KCTD16: variants seen among roughly 807,000 people sequenced by gnomAD.
KCTD16 encodes the protein potassium channel tetramerization domain containing 16.
KCTD16 carries 13 observed loss-of-function variants against 33.2 expected under a neutral mutation model. The observed-to-expected ratio is 0.39, with a 90% CI of 0.25 to 0.62. The LOEUF is 0.62. Ranked by LOEUF, KCTD16 falls within the 20% of genes least tolerant of loss-of-function variation. KCTD16 has a pLI of 0.50. For missense variants in KCTD16, 441 were observed against 525.1 expected (o/e 0.84, Z 1.57); for synonymous variants, 197 against 195.3 (o/e 1.01, Z -0.07).
rs149083832 is a variant in KCTD16, at chr5:144,277,943, A to T, written c.832+70397A>T. Among the ~76,000 whole-genome samples, 28 of 152,266 alleles carry T rather than the reference A, an allele frequency of 1.8e-4. No individual in the cohort carries two copies. In the East Asian group the frequency reaches 4.4e-3, roughly 24 times the overall value. On this transcript the variant is annotated intron_variant, in intron 3 of 3. Coordinates refer to ENST00000512467, the MANE Select transcript of KCTD16 (RefSeq NM_020768.4). Reference sequence around the variant, plus strand: ...TCAGAATATAAATACTTTGTTGGGTATGTTATTTGTGGCTATTTTCTCCCA... The same window carrying T: ...TCAGAATATAAATACTTTGTTGGGTTTGTTATTTGTGGCTATTTTCTCCCA...
chr5:144,314,810 A>G (rs1211230827), intron 3 of KCTD16, among the ~76,000 whole-genome samples: 1 of 152,226 alleles, frequency 6.6e-6, no homozygotes, highest in African/African-American at 2.4e-5. Flanking sequence ...AAGACAGTAC[A>G]TTTAAACCTT....
chr5:144,184,657 A>G (rs937348368), intron 2 of KCTD16, among the ~76,000 whole-genome samples: 11 of 152,182 alleles, frequency 7.2e-5, no homozygotes, highest in African/African-American at 2.7e-4. Flanking sequence ...ATTGCTCCAT[A>G]CGATAGCCAA....
intron 2 of KCTD16, among the ~76,000 whole-genome samples, chr5:144,203,349 C>A (rs1487721918): frequency 6.6e-6 from 1 of 151,802 alleles, no homozygotes; most frequent in African/African-American, 2.4e-5. Context: ...AAATGTCTTG[C>A]AATTTGTTGT....
At chr5:144,327,241 A>C (rs1314045880) in intron 3 of KCTD16, among the ~76,000 whole-genome samples, 1 of 152,108 alleles carries the variant, frequency 6.6e-6, no homozygotes, top group Non-Finnish European at 1.5e-5. Flanking sequence ...TGGAATTTGG[A>C]TATTATTTCT....
intron 3 of KCTD16, among the ~76,000 whole-genome samples, chr5:144,330,255 A>G (rs1402588978): frequency 1.3e-5 from 2 of 152,032 alleles, no homozygotes; most frequent in Non-Finnish European, 2.9e-5. Context: ...TCTACTAAAA[A>G]TACAAAAATT....
intron 3 of KCTD16, among the ~76,000 whole-genome samples, chr5:144,423,853 T>C (rs1753264197): frequency 6.6e-6 from 1 of 152,144 alleles, no homozygotes; most frequent in Admixed American, 6.6e-5. Context: ...TCCAACCTTT[T>C]GTCTTCCCTA....
chr5:144,462,501 A>G (rs150833427), intron 3 of KCTD16, among the ~76,000 whole-genome samples: 71 of 151,806 alleles, frequency 4.7e-4, no homozygotes, highest in African/African-American at 1.5e-3. Flanking sequence ...ATGGGAGAGA[A>G]GAAGGGGAAA....
chr5:144,476,118 A>G lies in KCTD16; in HGVS notation c.*2004A>G, dbSNP rs1257569001. On this transcript the variant is annotated 3_prime_UTR_variant, in exon 4 of 4. Transcript: ENST00000512467. ...TCTTTTCAATGTTTCTTGATAGCAC[A>G]TGGCAATACCATCATCCTAATAACA... 6.6e-6 allele frequency: 1 copy of G among 152,252 alleles called. No individual in the cohort carries two copies. The highest frequency in any genetic ancestry group is 1.5e-5 in the Non-Finnish European group (1 of 68,050). The allele number at this position is 152,252 out of a possible 1,614,324, so 9.4% of individuals were successfully genotyped here.
At position 144,377,074 on chromosome 5, in the gene KCTD16, C is replaced by T. The variant is rs370235999; in HGVS notation, c.833-96586C>T. On this transcript the variant is annotated intron_variant, in intron 3 of 3. Transcript: ENST00000512467. ...TTTAGGGATTGTTTCTCTATTTTATCAAACTCATTTCCTACCCCATTTCCT... is the reference window on the plus strand; with the variant it reads ...TTTAGGGATTGTTTCTCTATTTTATTAAACTCATTTCCTACCCCATTTCCT... Among the ~76,000 whole-genome samples the T allele has an allele frequency of 2.2e-4, 33 of 152,256 alleles. No homozygotes were observed. In the South Asian group the frequency reaches 6.6e-3, roughly 31 times the overall value.
intron 3 of KCTD16, among the ~76,000 whole-genome samples, chr5:144,299,136 ATATATATATATATTTT>A (rs1417632303): frequency 4.3e-4 from 13 of 30,426 alleles, no homozygotes; most frequent in African/African-American, 1.5e-3. Context: ...ATATATATAT[ATATATATATATATTTT>A]TTTTTTTTTT....
chr5:144,433,224 G>C (rs1176827473), intron 3 of KCTD16, among the ~76,000 whole-genome samples: 1 of 152,096 alleles, frequency 6.6e-6, no homozygotes, highest in Non-Finnish European at 1.5e-5. Flanking sequence ...CTGTTTTCTA[G>C]CTTTGGATAG....
intron 3 of KCTD16, among the ~76,000 whole-genome samples, chr5:144,246,674 G>A (rs960583297): frequency 1.3e-5 from 2 of 152,094 alleles, no homozygotes; most frequent in Non-Finnish European, 1.5e-5. Context: ...TACCATCATT[G>A]ACAAGGTGCC....
chr5:144,438,721 T>G (rs1753634298), intron 3 of KCTD16, among the ~76,000 whole-genome samples: 1 of 152,216 alleles, frequency 6.6e-6, no homozygotes, highest in African/African-American at 2.4e-5. Context: ...GAGAATGGGT[T>G]GCTAAGGAAA....
At chr5:144,356,657 T>A (rs545851462) in intron 3 of KCTD16, among the ~76,000 whole-genome samples, 1 of 152,292 alleles carries the variant, frequency 6.6e-6, no homozygotes, top group African/African-American at 2.4e-5. Flanking sequence ...GCTTAATCCT[T>A]GTCAAACCAC....
At chr5:144,368,963 A>G (rs1248118447) in intron 3 of KCTD16, among the ~76,000 whole-genome samples, 1 of 152,296 alleles carries the variant, frequency 6.6e-6, no homozygotes, top group East Asian at 1.9e-4. Flanking sequence ...GCTCAAACCA[A>G]TGTTGTTTAC....
At chr5:144,284,029 C>T (rs1019240361) in intron 3 of KCTD16, among the ~76,000 whole-genome samples, 2 of 152,160 alleles carry the variant, frequency 1.3e-5, no homozygotes, top group African/African-American at 2.4e-5. Flanking sequence ...GCCTGTGTAG[C>T]TTTCTGTTCT....
chr5:144,425,154 G>C (rs1199183089), intron 3 of KCTD16, among the ~76,000 whole-genome samples: 1 of 152,116 alleles, frequency 6.6e-6, no homozygotes, highest in East Asian at 1.9e-4. Context: ...ATCAGGCATA[G>C]GATAGGCATT....
At chr5:144,198,763 A>G (rs7714980) in intron 2 of KCTD16, among the ~76,000 whole-genome samples, 1 of 152,100 alleles carries the variant, frequency 6.6e-6, no homozygotes, top group Non-Finnish European at 1.5e-5. Flanking sequence ...TTAAATGAAC[A>G]AATTATCAAT....
At chr5:144,271,098 C>T (rs759501880) in intron 3 of KCTD16, among the ~76,000 whole-genome samples, 2 of 151,956 alleles carry the variant, frequency 1.3e-5, no homozygotes, top group African/African-American at 4.8e-5. Flanking sequence ...ATTTAAAGAA[C>T]AAACGCCAGT....
Sources: allele counts gnomAD v4.1 joint callset (sites outside exome capture counted in the v4.1 genomes callset), GRCh38; gene constraint gnomAD v4.1.1; transcripts MANE v1.5; gene names NCBI Gene and HGNC (gene_info 2026-07-23, HGNC 2026-07-21).